Variants in ZNRF1 observed in about 807,000 individuals in gnomAD.
The protein encoded by ZNRF1 is zinc and ring finger 1, also known as E3 ubiquitin-protein ligase ZNRF1.
ZNRF1 carries 3 observed loss-of-function variants against 18.4 expected under a neutral mutation model. That is an observed-to-expected ratio of 0.16 (90% CI 0.07 to 0.42). ZNRF1 has a LOEUF of 0.42. Among genes scored for constraint, ZNRF1 ranks in the 10% least tolerant of loss-of-function variants. The pLI, the probability that ZNRF1 is intolerant of heterozygous loss-of-function variation, is 0.99. For synonymous variants in ZNRF1, 157 were observed against 144.2 expected (o/e 1.09, Z -0.64); for missense variants, 310 against 329.8 (o/e 0.94, Z 0.47).
chr16:75,031,246 C>T (rs2035299192), intron 1 of ZNRF1, among the ~76,000 whole-genome samples: 1 of 151,960 alleles, frequency 6.6e-6, no homozygotes. Context: ...ATTCTCCTGC[C>T]TCAGCCTCCC....
At chr16:75,051,738 G>A (rs764056393) in intron 1 of ZNRF1, among the ~76,000 whole-genome samples, 24 of 151,676 alleles carry the variant, frequency 1.6e-4, no homozygotes, top group Admixed American at 4.6e-4. Context: ...GGCTGGTCTC[G>A]AACTCCTGAC....
chr16:75,106,965 C>T (rs895175885), intron 4 of ZNRF1: 14 of 196,384 alleles, frequency 7.1e-5, no homozygotes, highest in Admixed American at 1.6e-4. Context: ...TCTATGGTAA[C>T]GGGGATAATC....
chr16:75,063,710 C>T (rs1286675657), intron 1 of ZNRF1, among the ~76,000 whole-genome samples: 1 of 152,182 alleles, frequency 6.6e-6, no homozygotes, highest in Non-Finnish European at 1.5e-5. Flanking sequence ...GAGGTGAATG[C>T]TTGCGAGCAC....
chr16:75,095,810 G>T, intron 2 of ZNRF1: 1 of 1,404,126 alleles, frequency 7.1e-7, no homozygotes, highest in Non-Finnish European at 9.4e-7. Flanking sequence ...GTGTCCCCCT[G>T]TCCCCCTCTG....
intron 1 of ZNRF1, among the ~76,000 whole-genome samples, chr16:75,072,699 C>T (rs2035884289): frequency 6.6e-6 from 1 of 152,198 alleles, no homozygotes; most frequent in Non-Finnish European, 1.5e-5. Context: ...GTGCAAGTGT[C>T]AAGTGTTAGA....
intron 1 of ZNRF1, among the ~76,000 whole-genome samples, chr16:75,021,843 TATC>T (rs1424704673): frequency 2.0e-5 from 3 of 152,212 alleles, no homozygotes; most frequent in African/African-American, 4.8e-5. Flanking sequence ...GAATATCAAA[TATC>T]ATGTGTTTCA....
Position 75,106,584 on chromosome 16 carries a change from T to G in ZNRF1, c.*32+13T>G. 6.2e-7 allele frequency: 1 copy of G among 1,612,036 alleles called. No individual in the cohort carries two copies. The highest frequency in any genetic ancestry group is 8.5e-7 in the Non-Finnish European group (1 of 1,178,348). On this transcript the variant is annotated intron_variant, in intron 4 of 4. Transcript: ENST00000335325. Reference sequence around the variant, plus strand: ...ACTCCTCTCAAAGGTGAGCCCGCGTTTGGGGGTGCTCCGGGCTCAAGGCTT... The same window carrying G: ...ACTCCTCTCAAAGGTGAGCCCGCGTGTGGGGGTGCTCCGGGCTCAAGGCTT...
rs1567483281 is a variant in ZNRF1, at chr16:75,063,232, G to GTTC, written c.425-30340_425-30339insTTC. Among the ~76,000 whole-genome samples, 14 of 152,300 alleles carry GTTC rather than the reference G, an allele frequency of 9.2e-5. No homozygotes were observed. The East Asian group carries it at 1.9e-3, about 21-fold the overall frequency. On this transcript the variant is annotated intron_variant, in intron 1 of 4. Transcript: ENST00000335325. ...CAGCGCCACGCCAGCAGCAAGCTGG[G>GTTC]CGCTCACAGCCGGACTCTGGAAAGC...
In ZNRF1 at chr16:75,042,648, G is replaced by A. The variant is rs560196184; in HGVS notation, c.424+42553G>A. On this transcript the variant is annotated intron_variant, in intron 1 of 4. Coordinates refer to ENST00000335325, the MANE Select transcript of ZNRF1 (RefSeq NM_032268.5). ...TACTTGTAACTTTATGATAAGTTTTGAAATTGGGTAGTGTACAGTCTCCAT... is the reference window on the plus strand; with the variant it reads ...TACTTGTAACTTTATGATAAGTTTTAAAATTGGGTAGTGTACAGTCTCCAT... Among the ~76,000 whole-genome samples, 3 of 152,122 alleles carry A rather than the reference G, an allele frequency of 2.0e-5. No homozygotes were observed. In the South Asian group the frequency reaches 6.2e-4, roughly 32 times the overall value.
Position 75,043,790 on chromosome 16 carries a change from C to CTTTTTTTTTTTTTTTTTTTTTTT in ZNRF1, c.424+43711_424+43712insTTTTTTTTTTTTTTTTTTTTTTT, listed in dbSNP as rs59324869. Among the ~76,000 whole-genome samples the CTTTTTTTTTTTTTTTTTTTTTTT allele has an allele frequency of 2.7e-5, 2 of 75,190 alleles. 1 individual carries two copies. The highest frequency in any genetic ancestry group is 9.1e-5 in the African/African-American group (2 of 21,972). The allele number at this position is 75,190 out of a possible 152,430, so 49.3% of individuals were successfully genotyped here. A position where few individuals can be genotyped will look rare whatever the true frequency, so the allele number is the denominator to read the frequency against. ...AGGAGCCAGCCATTCTTGCTTTGTA[C>CTTTTTTTTTTTTTTTTTTTTTTT]TTTTTTTTTTTTTTTTGAGACAGAG... is the stretch of plus-strand genomic sequence containing the variant. On this transcript the variant is annotated intron_variant, in intron 1 of 4. Transcript: ENST00000335325.
chr16:75,051,532 G>GGT (rs1555511972), intron 1 of ZNRF1, among the ~76,000 whole-genome samples: 5 of 144,376 alleles, frequency 3.5e-5, no homozygotes, highest in Non-Finnish European at 6.0e-5. Context: ...TTTTTTTTTT[G>GGT]GGGGGGACGG....
intron 2 of ZNRF1, among the ~76,000 whole-genome samples, chr16:75,094,032 C>T (rs527244337): frequency 1.8e-4 from 27 of 152,302 alleles, no homozygotes; most frequent in East Asian, 1.7e-3. Flanking sequence ...GTGTCCTCCA[C>T]GGCTTAGCAG....
At chr16:75,099,706 A>G (rs1156377191) in intron 2 of ZNRF1, among the ~76,000 whole-genome samples, 2 of 152,142 alleles carry the variant, frequency 1.3e-5, no homozygotes. Flanking sequence ...ACCAGGGGAC[A>G]TTTGACTCCA....
intron 1 of ZNRF1, among the ~76,000 whole-genome samples, chr16:75,052,459 G>C (rs2035618460): frequency 6.6e-6 from 1 of 151,884 alleles, no homozygotes; most frequent in Non-Finnish European, 1.5e-5. Context: ...GCCTCACATT[G>C]TGAGTCAGTA....
At chr16:75,013,199 C>A (rs2035022127) in intron 1 of ZNRF1, among the ~76,000 whole-genome samples, 1 of 152,112 alleles carries the variant, frequency 6.6e-6, no homozygotes, top group African/African-American at 2.4e-5. Context: ...TATCTTTTGC[C>A]TAAGGAGTTC....
At chr16:75,003,031 G>T (rs566611924) in intron 1 of ZNRF1, among the ~76,000 whole-genome samples, 8 of 152,186 alleles carry the variant, frequency 5.3e-5, no homozygotes, top group African/African-American at 1.2e-4. Context: ...TCTGCTCACT[G>T]CAGTCTCCGC....
chr16:75,031,390 A>G (rs1171554572), intron 1 of ZNRF1, among the ~76,000 whole-genome samples: 1 of 152,112 alleles, frequency 6.6e-6, no homozygotes, highest in Non-Finnish European at 1.5e-5. Flanking sequence ...TCAGCCTCCC[A>G]AAGTGCTGGG....
intron 1 of ZNRF1, among the ~76,000 whole-genome samples, chr16:75,022,065 G>A (rs78528078): frequency 0.01 from 1,592 of 151,970 alleles, 20 homozygotes; most frequent in Non-Finnish European, 0.018. Context: ...TAATCCTTCC[G>A]TCCGTCCATC....
At position 75,034,000 on chromosome 16, in the gene ZNRF1, AAAAAG is replaced by A. The variant is rs565996301; in HGVS notation, c.424+33909_424+33913del. ...CGACTCTACTAAAATACAAAAAAAA[AAAAAG>A]AAATTAGCCAGGTGTGTTGGTGCAC... On this transcript the variant is annotated intron_variant, in intron 1 of 4. Coordinates refer to ENST00000335325, the MANE Select transcript of ZNRF1 (RefSeq NM_032268.5). Among the ~76,000 whole-genome samples, 534 of 152,010 alleles carry A rather than the reference AAAAAG, an allele frequency of 3.5e-3. 5 individuals carry two copies. Among genetic ancestry groups the A allele is most frequent in the African/African-American group, 0.012 (505 of 41,506 alleles).
Sources: allele counts gnomAD v4.1 joint callset (sites outside exome capture counted in the v4.1 genomes callset), GRCh38; gene constraint gnomAD v4.1.1; transcripts MANE v1.5; gene names NCBI Gene and HGNC (gene_info 2026-07-23, HGNC 2026-07-21).